DMD: variants seen among roughly 807,000 people sequenced by gnomAD.
DMD encodes the protein mutant dystrophin.
DMD carries 63 observed loss-of-function variants against 330.1 expected under a neutral mutation model. The ratio of observed to expected loss-of-function variants is 0.19; its 90% CI spans 0.16 to 0.24. DMD has a LOEUF of 0.24. Among genes scored for constraint, DMD ranks in the 10% least tolerant of loss-of-function variants. DMD has a pLI of 1.00. For synonymous variants in DMD, 1,223 were observed against 959.8 expected (o/e 1.27, Z -5.07); for missense variants, 3,344 against 2,684.1 (o/e 1.25, Z -5.43).
chrX:31,827,624 T>C (rs1478866155), intron 49 of DMD, among the ~76,000 whole-genome samples: 1 of 111,964 alleles, frequency 8.9e-6, no homozygotes, highest in East Asian at 2.8e-4. Context: ...AGAATATACA[T>C]TCTTATCAGC....
At chrX:32,075,262 C>T (rs1387478352) in intron 44 of DMD, among the ~76,000 whole-genome samples, 1 of 112,024 alleles carries the variant, frequency 8.9e-6, no homozygotes, top group Non-Finnish European at 1.9e-5. Flanking sequence ...TAAACACTGG[C>T]TGTAAAAATA....
intron 17 of DMD, among the ~76,000 whole-genome samples, chrX:32,533,507 C>T (rs2047669947): frequency 8.9e-6 from 1 of 111,789 alleles, no homozygotes; most frequent in Non-Finnish European, 1.9e-5. Flanking sequence ...TCCCATAAGT[C>T]TTCCATGCCT....
At chrX:32,352,869 C>A (rs774595533) in intron 37 of DMD, among the ~76,000 whole-genome samples, 1 of 110,060 alleles carries the variant, frequency 9.1e-6, no homozygotes. Context: ...TTCTTATAGA[C>A]AGGAATATAA....
At chrX:32,380,858 C>T (rs746849423) in intron 33 of DMD, among the ~76,000 whole-genome samples, 178 bp from the exon 34 acceptor site, 2 of 110,625 alleles carry the variant, frequency 1.8e-5, no homozygotes, top group South Asian at 3.8e-4. Flanking sequence ...TAAAAACTGT[C>T]TAGGGCAGAT....
intron 47 of DMD, among the ~76,000 whole-genome samples, chrX:31,905,851 C>T (rs745423453): frequency 8.9e-6 from 1 of 111,948 alleles, no homozygotes; most frequent in African/African-American, 3.2e-5. Context: ...TATTCCATTT[C>T]CATTTAAAGG....
chrX:31,411,961 G>A (rs1437169724), intron 60 of DMD, among the ~76,000 whole-genome samples: 6 of 109,742 alleles, frequency 5.5e-5, no homozygotes, highest in Non-Finnish European at 1.1e-4. Flanking sequence ...CGAGGCGGGC[G>A]AGTCACCTGA....
At chrX:31,875,118 T>C (rs2149679177) in intron 48 of DMD, 70 bp downstream of exon 48, 5 of 931,848 alleles carry the variant, frequency 5.4e-6, no homozygotes, top group Non-Finnish European at 6.0e-6. Context: ...TGATACCAAA[T>C]GAGAAAATTC....
At chrX:32,089,958 G>T (rs777755204) in intron 44 of DMD, among the ~76,000 whole-genome samples, 3 of 111,621 alleles carry the variant, frequency 2.7e-5, no homozygotes, top group African/African-American at 9.8e-5. Flanking sequence ...ATCCTTCTAG[G>T]AAGTTATTTG....
intron 9 of DMD, among the ~76,000 whole-genome samples, chrX:32,660,973 G>T (rs374268625): frequency 9.0e-6 from 1 of 110,950 alleles, no homozygotes; most frequent in Non-Finnish European, 1.9e-5. Context: ...CACCAAAAAC[G>T]CTAATAAATA....
intron 63 of DMD, among the ~76,000 whole-genome samples, chrX:31,251,099 A>AC (rs772746595): frequency 1.8e-3 from 196 of 106,007 alleles, no homozygotes; most frequent in African/African-American, 5.5e-3. Flanking sequence ...AAAAAAAAAA[A>AC]CCCACCACCA....
In DMD at chrX:32,868,839, C is replaced by CG. The variant is rs556375748; in HGVS notation, c.94-19020dup. On this transcript the variant is annotated intron_variant, in intron 2 of 78. Coordinates refer to ENST00000357033, the MANE Select transcript of DMD (RefSeq NM_004006.3). ...TTTACCCTGCTGGCTCTAAAGAATC[C>CG]GGGAAGCCCAGACAAGTGGGATTCC... Among the ~76,000 whole-genome samples the CG allele has an allele frequency of 1.1e-3, 129 of 112,201 alleles. No individual in the cohort carries two copies. In the Middle Eastern group the frequency reaches 0.014, roughly 12 times the overall value.
chrX:32,705,566 C>T (rs2064544832), intron 7 of DMD, among the ~76,000 whole-genome samples: 1 of 111,726 alleles, frequency 9.0e-6, no homozygotes, highest in Non-Finnish European at 1.9e-5. Flanking sequence ...GTAATCCCAG[C>T]ACTTCGGGAG....
chrX:33,062,170 A>G (rs952084188), intron 1 of DMD, among the ~76,000 whole-genome samples: 1 of 112,134 alleles, frequency 8.9e-6, no homozygotes, highest in African/African-American at 3.2e-5. Flanking sequence ...AGTTGATTGT[A>G]TTCCAGAAAA....
chrX:32,780,651 T>C (rs766849554), intron 7 of DMD, among the ~76,000 whole-genome samples: 4 of 111,736 alleles, frequency 3.6e-5, no homozygotes, highest in Non-Finnish European at 7.5e-5. Flanking sequence ...GACCATTTCA[T>C]TGCTTGTTAA....
intron 42 of DMD, among the ~76,000 whole-genome samples, chrX:32,298,970 C>G (rs1328225096): frequency 9.0e-6 from 1 of 111,297 alleles, no homozygotes; most frequent in African/African-American, 3.3e-5. Flanking sequence ...ACTCTTGGTT[C>G]TGTTGCCATG....
In DMD at chrX:31,574,134, G is replaced by GTTTT. The variant is rs748095057; in HGVS notation, c.8217+53535_8217+53538dup. Among the ~76,000 whole-genome samples the GTTTT allele has an allele frequency of 1.3e-3, 104 of 83,114 alleles. 1 individual carries two copies. Among genetic ancestry groups the GTTTT allele is most frequent in the Non-Finnish European group, 1.8e-3 (75 of 41,449 alleles). 72.2% of individuals were successfully genotyped at this position (83,114 alleles called of 115,157 possible). A position where few individuals can be genotyped will look rare whatever the true frequency, so the allele number is the denominator to read the frequency against. On this transcript the variant is annotated intron_variant, in intron 55 of 78. Coordinates refer to ENST00000357033, the MANE Select transcript of DMD (RefSeq NM_004006.3). ...TTCCAGTGCAAAGGATGATCTGTTT[G>GTTTT]TTTTTTTTTTTGTTTTTTTTTTTTT...
At chrX:31,866,242 T>C (rs984310934) in intron 48 of DMD, among the ~76,000 whole-genome samples, 5 of 111,540 alleles carry the variant, frequency 4.5e-5, no homozygotes, top group Admixed American at 3.8e-4. Flanking sequence ...TTTCTCTTCC[T>C]ACTCCAGTCT....
At chrX:31,373,757 T>C (rs2038082316) in intron 60 of DMD, among the ~76,000 whole-genome samples, 1 of 110,913 alleles carries the variant, frequency 9.0e-6, no homozygotes, top group Non-Finnish European at 1.9e-5. Flanking sequence ...GACATAGGCA[T>C]GGGCAAGGAC....
At chrX:31,658,641 C>T (rs1360728347) in intron 53 of DMD, among the ~76,000 whole-genome samples, 4 of 112,019 alleles carry the variant, frequency 3.6e-5, no homozygotes, top group South Asian at 3.7e-4. Context: ...ATTCTAGTCA[C>T]GAATTTTTTG....
Sources: allele counts gnomAD v4.1 joint callset (sites outside exome capture counted in the v4.1 genomes callset), GRCh38; gene constraint gnomAD v4.1.1; transcripts MANE v1.5; gene names NCBI Gene and HGNC (gene_info 2026-07-23, HGNC 2026-07-21).